Variants in NUP205 observed in about 807,000 individuals in gnomAD.
The protein encoded by NUP205 is nuclear pore complex protein Nup205.
A neutral mutation model predicts 253.8 loss-of-function variants in NUP205; 76 were observed. The ratio of observed to expected loss-of-function variants is 0.30; its 90% CI spans 0.25 to 0.36. NUP205 has a LOEUF of 0.36. NUP205 is among the 10% of genes least tolerant of loss of function. The probability of loss-of-function intolerance (pLI) is 1.00; values close to 1 mark genes in which losing one functional copy is unlikely to be tolerated. For missense variants in NUP205, 2,162 were observed against 2,425.5 expected (o/e 0.89, Z 2.28); for synonymous variants, 832 against 850.1 (o/e 0.98, Z 0.37).
At chr7:135,638,434 A>T in intron 37 of NUP205, 123 bp from the exon 38 acceptor site, 1 of 842,572 alleles carries the variant, frequency 1.2e-6, no homozygotes, top group Non-Finnish European at 1.8e-6. Flanking sequence ...AAAAAAAAAG[A>T]ATACACAGAT....
chr7:135,594,082 A>G (rs1391943836), intron 12 of NUP205, among the ~76,000 whole-genome samples: 1 of 152,208 alleles, frequency 6.6e-6, no homozygotes, highest in Non-Finnish European at 1.5e-5. Flanking sequence ...TCTGTACCCT[A>G]TAAATATGTA....
intron 15 of NUP205, among the ~76,000 whole-genome samples, chr7:135,599,921 A>G (rs1219869906): frequency 6.6e-6 from 1 of 152,200 alleles, no homozygotes; most frequent in Non-Finnish European, 1.5e-5. Context: ...CCAGTCCTAA[A>G]TCCATTATTA....
intron 1 of NUP205, among the ~76,000 whole-genome samples, chr7:135,565,888 T>A (rs1376833086): frequency 2.0e-5 from 3 of 152,172 alleles, no homozygotes; most frequent in African/African-American, 4.8e-5. Context: ...TGAAACCTAC[T>A]CTATCCTTTG....
chr7:135,630,959 G>A (rs1469286529), intron 35 of NUP205, among the ~76,000 whole-genome samples: 1 of 150,976 alleles, frequency 6.6e-6, no homozygotes, highest in Non-Finnish European at 1.5e-5. Context: ...TAAGATATAG[G>A]CTTATTATAA....
At chr7:135,598,496 T>G (rs1554461340) in intron 15 of NUP205, among the ~76,000 whole-genome samples, 1 of 152,202 alleles carries the variant, frequency 6.6e-6, no homozygotes, top group Non-Finnish European at 1.5e-5. Context: ...AAGTGTCACA[T>G]TTGTTGGAAA....
At position 135,608,303 on chromosome 7, in the gene NUP205, C is replaced by T. The variant is rs1041353766; in HGVS notation, c.3195+932C>T. 2.0e-5 allele frequency among the ~76,000 whole-genome samples: 3 copies of T among 152,252 alleles called. No individual in the cohort carries two copies. The East Asian group carries it at 5.8e-4, about 29-fold the overall frequency. Reference sequence around the variant, plus strand: ...TCTCCCAAAGTGCTGGGATTATAGGCATGAGCCACCGCGCCTGGCCAGAAA... The same window carrying T: ...TCTCCCAAAGTGCTGGGATTATAGGTATGAGCCACCGCGCCTGGCCAGAAA... On this transcript the variant is annotated intron_variant, in intron 22 of 42. Transcript: ENST00000285968.
At chr7:135,629,469 A>ATC (rs201403059) in intron 34 of NUP205, among the ~76,000 whole-genome samples, 8,451 of 119,524 alleles carry the variant, frequency 0.071, 530 homozygotes, top group Admixed American at 0.13. Flanking sequence ...GTGAGACCCT[A>ATC]TCTCTCTCTC....
chr7:135,646,000 C>G (rs941765158), intron 41 of NUP205, 158 bp from the exon 42 acceptor site: 6 of 622,388 alleles, frequency 9.6e-6, no homozygotes, highest in Admixed American at 2.8e-5. Flanking sequence ...GAAATGCTTT[C>G]TAGGGGCTTC....
intron 16 of NUP205, 117 bp from the exon 17 acceptor site, chr7:135,601,253 T>G: frequency 1.1e-6 from 1 of 930,946 alleles, no homozygotes; most frequent in African/African-American, 1.7e-5. Flanking sequence ...AAATTGAAAC[T>G]TGCCTTTATC....
intron 13 of NUP205, 48 bp from the exon 14 acceptor site, chr7:135,597,320 A>G: frequency 7.2e-7 from 1 of 1,388,558 alleles, no homozygotes; most frequent in Non-Finnish European, 1.0e-6. Context: ...ACTAATATTC[A>G]TTGATGAATG....
chr7:135,628,913 G>A (rs748433191), intron 34 of NUP205, among the ~76,000 whole-genome samples: 1 of 152,140 alleles, frequency 6.6e-6, no homozygotes, highest in African/African-American at 2.4e-5. Flanking sequence ...GGCCTATGTG[G>A]TCTTCAAGTT....
chr7:135,569,180 C>T (rs58583230), intron 1 of NUP205, among the ~76,000 whole-genome samples: 6,324 of 152,262 alleles, frequency 0.042, 451 homozygotes, highest in African/African-American at 0.14. Context: ...AAGCAATTCT[C>T]CTGCCTCAGA....
chr7:135,590,875 T>C (rs1189422290), intron 10 of NUP205, among the ~76,000 whole-genome samples: 2 of 152,162 alleles, frequency 1.3e-5, no homozygotes, highest in African/African-American at 4.8e-5. Context: ...TTTCCAGACA[T>C]CTGTAGTGTT....
intron 36 of NUP205, 59 bp downstream of exon 36, chr7:135,635,716 C>CCTCCCCAT (rs1010099216): frequency 3.0e-6 from 3 of 1,012,804 alleles, no homozygotes; most frequent in African/African-American, 1.6e-5. Context: ...AATATACCAT[C>CCTCCCCAT]CTCCCCATTG....
intron 3 of NUP205, among the ~76,000 whole-genome samples, chr7:135,574,871 C>G (rs1025138548): frequency 1.3e-5 from 2 of 152,108 alleles, no homozygotes; most frequent in Non-Finnish European, 2.9e-5. Flanking sequence ...GTTAGTTGAA[C>G]AAAAGTTTAA....
chr7:135,591,425 A>C lies in NUP205; in HGVS notation c.1474-25A>C, dbSNP rs372925220. The C allele has an allele frequency of 7.8e-5, 126 of 1,609,226 alleles. No individual in the cohort carries two copies. The African/African-American group carries it at 1.3e-3, about 17-fold the overall frequency. ...TTAAAGTTAAGATATACATTATATA[A>C]ACCATTTGTTTCTCTCTTTTTCAGG... On this transcript the variant is annotated intron_variant, in intron 10 of 42. Transcript: ENST00000285968.
chr7:135,558,591 T>C (rs1396635550), intron 1 of NUP205, among the ~76,000 whole-genome samples: 1 of 152,192 alleles, frequency 6.6e-6, no homozygotes, highest in South Asian at 2.1e-4. Context: ...AAAGGAACTC[T>C]GGAAGATTTG....
At chr7:135,562,785 C>G (rs752580382) in intron 1 of NUP205, among the ~76,000 whole-genome samples, 9 of 151,726 alleles carry the variant, frequency 5.9e-5, no homozygotes, top group Non-Finnish European at 1.0e-4. Context: ...GACCTCGTAT[C>G]TGCCCGCCTC....
At position 135,633,055 on chromosome 7, in the gene NUP205, T is replaced by C. The variant is rs1237293271; in HGVS notation, c.5060-2526T>C. 2.6e-5 allele frequency among the ~76,000 whole-genome samples: 4 copies of C among 152,056 alleles called. No homozygotes were observed. In the East Asian group the frequency reaches 5.8e-4, roughly 22 times the overall value. ...ATCGTGGCTCACTGCAGCCTCGACC[T>C]ACCTGGCTCAAGTGATCCTCCCACC... On this transcript the variant is annotated intron_variant, in intron 35 of 42. Transcript: ENST00000285968.
Sources: gnomAD v4.1 joint callset for allele counts (sites outside exome capture counted in the v4.1 genomes callset) on GRCh38, gnomAD v4.1.1 for gene constraint, MANE v1.5 for transcripts, NCBI Gene and HGNC (gene_info 2026-07-23, HGNC 2026-07-21) for gene names.